The following ELP3 variants were observed in gnomAD, a reference collection of about 807,000 sequenced individuals.
ELP3 encodes the protein elongator acetyltransferase complex subunit 3.
A neutral mutation model predicts 74.9 loss-of-function variants in ELP3; 56 were observed. That is an observed-to-expected ratio of 0.75 (90% confidence interval 0.60 to 0.93). ELP3 has a LOEUF of 0.93. ELP3 is among the 40% of genes least tolerant of loss of function. The pLI is 0.00. For synonymous variants in ELP3, 222 were observed against 239.8 expected, an observed-to-expected ratio of 0.93 and a Z score of 0.68; for missense variants, 573 against 686.5, an observed-to-expected ratio of 0.83 and a Z score of 1.85.
intron 5 of ELP3, among the ~76,000 whole-genome samples, chr8:28,109,631 C>G: frequency 6.6e-6 from 1 of 152,104 alleles, no homozygotes; most frequent in East Asian, 1.9e-4. Context: ...GAGTGGAACC[C>G]GAATCTGAAC....
At chr8:28,101,510 C>T (rs1050179611) in intron 3 of ELP3, among the ~76,000 whole-genome samples, 2 of 152,128 alleles carry the variant, frequency 1.3e-5, no homozygotes, top group South Asian at 2.1e-4. Context: ...ATTTTTAACT[C>T]TTAGCCAATT....
chr8:28,092,082 TAA>T (rs758441036), upstream of ELP3, among the ~76,000 whole-genome samples: 2 of 152,182 alleles, frequency 1.3e-5, no homozygotes, highest in Admixed American at 6.5e-5. Flanking sequence ...TGTTGTAAGG[TAA>T]AGACTCTGCC....
intron 4 of ELP3, among the ~76,000 whole-genome samples, chr8:28,107,468 A>G (rs1341434048): frequency 1.3e-5 from 2 of 152,212 alleles, no homozygotes; most frequent in African/African-American, 2.4e-5. Context: ...TCAAAATAAA[A>G]AATTATCCTT....
intron 14 of ELP3, among the ~76,000 whole-genome samples, chr8:28,187,144 G>T (rs769579865): frequency 6.6e-6 from 1 of 152,024 alleles, no homozygotes; most frequent in African/African-American, 2.4e-5. Context: ...CTTGGCTCCC[G>T]TCACACCCCA....
At chr8:28,104,680 C>T (rs901918464) in intron 3 of ELP3, among the ~76,000 whole-genome samples, 17 of 152,216 alleles carry the variant, frequency 1.1e-4, no homozygotes, top group Non-Finnish European at 2.2e-4. Context: ...GTCTTTGGCC[C>T]GTGCCTCATA....
At chr8:28,117,354 G>T (rs1200402314) in intron 7 of ELP3, among the ~76,000 whole-genome samples, 1 of 152,152 alleles carries the variant, frequency 6.6e-6, no homozygotes, top group Admixed American at 6.5e-5. Context: ...AATGGTGCTT[G>T]AATGTAAGTT....
At chr8:28,182,069 A>G (rs750424815) in intron 14 of ELP3, among the ~76,000 whole-genome samples, 3 of 152,154 alleles carry the variant, frequency 2.0e-5, no homozygotes, top group Admixed American at 1.3e-4. Flanking sequence ...GAGGAAAGGT[A>G]TACTTATTTT....
chr8:28,100,053 G>A (rs1009962276), intron 3 of ELP3, 87 bp downstream of exon 3: 10 of 1,561,156 alleles, frequency 6.4e-6, no homozygotes, highest in Middle Eastern at 1.8e-4. Flanking sequence ...GTGTAGTGAG[G>A]TAGAGGTTGG....
chr8:28,173,391 A>G (rs1021736960), intron 14 of ELP3, among the ~76,000 whole-genome samples: 4 of 151,964 alleles, frequency 2.6e-5, no homozygotes, highest in African/African-American at 9.7e-5. Context: ...GTTGGCGTAC[A>G]GTTGTTCATA....
At chr8:28,183,091 A>G in intron 14 of ELP3, 1 of 455,594 alleles carries the variant, frequency 2.2e-6, no homozygotes, top group South Asian at 1.6e-5. Flanking sequence ...CCATGGGTCT[A>G]TCTATAATTG....
Position 28,118,645 on chromosome 8 carries a change from G to A in ELP3, c.617+5472G>A, listed in dbSNP as rs550199427. Among the ~76,000 whole-genome samples the A allele has an allele frequency of 1.6e-4, 24 of 152,316 alleles. No homozygotes were observed. The East Asian group carries it at 4.2e-3, about 27-fold the overall frequency. On this transcript the variant is annotated intron_variant, in intron 7 of 14. Transcript: ENST00000256398. ...GAAAAAGACCGGTAGTGGGATCTGA[G>A]TCACCCATTCACTAGAATGCAAATG...
upstream of ELP3, chr8:28,093,098 A>G (rs1224608002): frequency 3.3e-6 from 5 of 1,524,528 alleles, no homozygotes; most frequent in Admixed American, 7.8e-5. Context: ...GAGCTTTACG[A>G]TACATTGACC....
chr8:28,182,393 C>G (rs1815049821), intron 14 of ELP3, among the ~76,000 whole-genome samples: 1 of 152,144 alleles, frequency 6.6e-6, no homozygotes, highest in Admixed American at 6.5e-5. Flanking sequence ...AACCCTGTCT[C>G]CACTAAAAAT....
chr8:28,137,938 T>C (rs1813059275), intron 10 of ELP3, 47 bp downstream of exon 10: 9 of 1,458,638 alleles, frequency 6.2e-6, no homozygotes, highest in Non-Finnish European at 8.2e-6. Context: ...ACTAGTCTGT[T>C]TACTATTTCT....
At chr8:28,177,980 GTGAAGAA>G (rs1202814766) in intron 14 of ELP3, among the ~76,000 whole-genome samples, 1 of 152,180 alleles carries the variant, frequency 6.6e-6, no homozygotes, top group Admixed American at 6.5e-5. Flanking sequence ...TTCCATAGAT[GTGAAGAA>G]TTGATTTCAT....
At chr8:28,170,811 C>T (rs1005030010) in intron 14 of ELP3, among the ~76,000 whole-genome samples, 2 of 152,168 alleles carry the variant, frequency 1.3e-5, no homozygotes, top group Admixed American at 6.5e-5. Context: ...CAGTGTTGTA[C>T]GACCATCACC....
At chr8:28,177,491 G>T (rs1225315784) in intron 14 of ELP3, among the ~76,000 whole-genome samples, 1 of 152,174 alleles carries the variant, frequency 6.6e-6, no homozygotes, top group African/African-American at 2.4e-5. Flanking sequence ...TTGATTAATT[G>T]AACCCAAAAG....
chr8:28,119,925 C>A (rs1489798775), intron 7 of ELP3, among the ~76,000 whole-genome samples: 1 of 152,160 alleles, frequency 6.6e-6, no homozygotes, highest in Non-Finnish European at 1.5e-5. Flanking sequence ...TTGGGTGATT[C>A]ATTAGTTGTT....
upstream of ELP3, among the ~76,000 whole-genome samples, chr8:28,091,546 G>A (rs754671469): frequency 6.6e-6 from 1 of 152,174 alleles, no homozygotes; most frequent in Non-Finnish European, 1.5e-5. Flanking sequence ...TCAAAGCCTC[G>A]TTGTTGCCTC....
Sources: gnomAD v4.1 joint callset for allele counts (sites outside exome capture counted in the v4.1 genomes callset) on GRCh38, gnomAD v4.1.1 for gene constraint, MANE v1.5 for transcripts, NCBI Gene and HGNC (gene_info 2026-07-23, HGNC 2026-07-21) for gene names.